The following KCNJ16 variants were observed in gnomAD, a reference collection of about 807,000 sequenced individuals.
KCNJ16 encodes potassium inwardly rectifying channel subfamily J member 16.
Under a neutral mutation model 18.5 loss-of-function variants are expected in KCNJ16, and 15 were observed. The observed-to-expected ratio is 0.81, with a 90% CI of 0.54 to 1.25. The LOEUF (loss-of-function observed/expected upper bound fraction) is 1.25, where lower values mean the gene tolerates loss of function less well. KCNJ16 is among the 50% of genes most tolerant of loss of function. The pLI is 0.00. For missense variants in KCNJ16, 523 were observed against 525.7 expected (o/e 0.99, Z 0.05); for synonymous variants, 174 against 186.5 (o/e 0.93, Z 0.55).
chr17:70,087,540 A>G (rs1411438579), intron 1 of KCNJ16, among the ~76,000 whole-genome samples: 3 of 151,998 alleles, frequency 2.0e-5, no homozygotes, highest in African/African-American at 7.2e-5. Flanking sequence ...GTTCTCTACT[A>G]AAAATACAAA....
At chr17:70,092,293 T>A (rs1230628275) in intron 1 of KCNJ16, among the ~76,000 whole-genome samples, 1 of 152,174 alleles carries the variant, frequency 6.6e-6, no homozygotes, top group East Asian at 1.9e-4. Context: ...GTAGATACCA[T>A]GTGAAGTCAA....
intron 2 of KCNJ16, among the ~76,000 whole-genome samples, chr17:70,114,637 T>C (rs563209319): frequency 1.2e-4 from 18 of 152,186 alleles, no homozygotes; most frequent in Non-Finnish European, 2.1e-4. Context: ...ATGACTTCTA[T>C]TCTTAGCAAT....
At chr17:70,092,489 A>AATAGATAG (rs56383039) in intron 1 of KCNJ16, among the ~76,000 whole-genome samples, 1,623 of 89,904 alleles carry the variant, frequency 0.018, 32 homozygotes, top group African/African-American at 0.061. Flanking sequence ...AAACAGAACC[A>AATAGATAG]ATAGATAGAT....
chr17:70,116,313 T>C (rs2073402831), intron 2 of KCNJ16, among the ~76,000 whole-genome samples: 1 of 152,154 alleles, frequency 6.6e-6, no homozygotes, highest in Non-Finnish European at 1.5e-5. Context: ...ATTGTACCAT[T>C]ACCTATGAAA....
In KCNJ16 at chr17:70,133,013, G is replaced by A. The variant is rs2074117208; in HGVS notation, c.926G>A (p.Arg309Lys). Residue 309 changes from arginine (R) to lysine (K), a missense_variant, in exon 4 of 4, where the codon AGG (arginine) becomes AAG (lysine). Transcript: ENST00000392671. ...YVPREILWGH[R>K]FNDVLEVKRK... Reference sequence around the variant, plus strand: ...CCCCGAGAAATTCTCTGGGGCCATAGGTTTAATGATGTCTTGGAAGTTAAG... The same window carrying A: ...CCCCGAGAAATTCTCTGGGGCCATAAGTTTAATGATGTCTTGGAAGTTAAG... 1.9e-6 allele frequency: 3 copies of A among 1,613,982 alleles called. No individual in the cohort carries two copies. In the Admixed American group the frequency reaches 5.0e-5, roughly 27 times the overall value.
intron 2 of KCNJ16, among the ~76,000 whole-genome samples, chr17:70,123,566 C>T (rs1453411564): frequency 6.6e-6 from 1 of 152,030 alleles, no homozygotes; most frequent in Non-Finnish European, 1.5e-5. Flanking sequence ...AGAGAGCTTC[C>T]CAGGTGCTAG....
Position 70,081,698 on chromosome 17 carries a change from G to C in KCNJ16, c.-300+6308G>C, listed in dbSNP as rs147838296. 1.9e-4 allele frequency among the ~76,000 whole-genome samples: 29 copies of C among 152,258 alleles called. No homozygotes were observed. The East Asian group carries it at 5.2e-3, about 27-fold the overall frequency. On this transcript the variant is annotated intron_variant, in intron 1 of 3. Transcript: ENST00000392671. ...AATTTGGTTGTGCTCTGTTAGGGCA[G>C]CTTGTGCAACAGAAGCACAGGGGTA...
chr17:70,092,867 A>C (rs1219049411), intron 1 of KCNJ16, among the ~76,000 whole-genome samples: 1 of 152,110 alleles, frequency 6.6e-6, no homozygotes, highest in Non-Finnish European at 1.5e-5. Context: ...TTCCTCCACC[A>C]TTTTGTTCCA....
chr17:70,122,892 G>T (rs2073703005), intron 2 of KCNJ16, among the ~76,000 whole-genome samples: 1 of 152,172 alleles, frequency 6.6e-6, no homozygotes, highest in Non-Finnish European at 1.5e-5. Flanking sequence ...CATGAAGGGT[G>T]AGAAAGCACT....
chr17:70,131,501 C>T (rs2074057079), intron 3 of KCNJ16: 2 of 993,616 alleles, frequency 2.0e-6, no homozygotes, highest in African/African-American at 1.7e-5. Context: ...ACCTATTACA[C>T]TAACAATTAT....
intron 2 of KCNJ16, among the ~76,000 whole-genome samples, chr17:70,103,192 A>G (rs2072726012): frequency 6.9e-6 from 1 of 144,904 alleles, no homozygotes; most frequent in Non-Finnish European, 1.5e-5. Flanking sequence ...ATATAAATAT[A>G]TATGTGTATA....
intron 1 of KCNJ16, among the ~76,000 whole-genome samples, chr17:70,078,236 C>T (rs2071399573): frequency 6.6e-6 from 1 of 152,164 alleles, no homozygotes; most frequent in African/African-American, 2.4e-5. Context: ...CATGGCTCCA[C>T]ATTCTCCCCC....
intron 2 of KCNJ16, among the ~76,000 whole-genome samples, chr17:70,113,875 C>CT (rs2073293526): frequency 1.3e-5 from 2 of 152,078 alleles, no homozygotes; most frequent in South Asian, 4.1e-4. Flanking sequence ...ATCAAATACA[C>CT]TAACTCCTGT....
chr17:70,124,525 C>T (rs1256652583), intron 2 of KCNJ16, among the ~76,000 whole-genome samples: 2 of 152,100 alleles, frequency 1.3e-5, no homozygotes, highest in Non-Finnish European at 2.9e-5. Flanking sequence ...TTTCCTTATA[C>T]AATGAAAGGA....
chr17:70,085,298 C>T (rs1598089508), intron 1 of KCNJ16, among the ~76,000 whole-genome samples: 1 of 152,298 alleles, frequency 6.6e-6, no homozygotes, highest in African/African-American at 2.4e-5. Context: ...CTGTGCCATG[C>T]ACCATTCTAA....
intron 2 of KCNJ16, among the ~76,000 whole-genome samples, chr17:70,121,549 G>T (rs758587925): frequency 6.6e-6 from 1 of 152,158 alleles, no homozygotes; most frequent in African/African-American, 2.4e-5. Flanking sequence ...GTATCAATCT[G>T]CTTACCATAC....
chr17:70,087,969 A>G (rs1320084401), intron 1 of KCNJ16, among the ~76,000 whole-genome samples: 1 of 135,104 alleles, frequency 7.4e-6, no homozygotes. Context: ...TGAAGCCGAG[A>G]TAGCGCCACG....
intron 2 of KCNJ16, among the ~76,000 whole-genome samples, chr17:70,107,358 TCACC>T (rs1464068535): frequency 6.6e-6 from 1 of 152,124 alleles, no homozygotes; most frequent in Non-Finnish European, 1.5e-5. Context: ...TGAGCTTGGG[TCACC>T]TTCAAGATGC....
intron 1 of KCNJ16, among the ~76,000 whole-genome samples, chr17:70,092,521 G>GATAGATAC (rs1168020384): frequency 3.0e-5 from 3 of 98,890 alleles, no homozygotes; most frequent in African/African-American, 1.3e-4. Flanking sequence ...TAGATAGATA[G>GATAGATAC]ATACATAGAC....
Sources: allele counts gnomAD v4.1 joint callset (sites outside exome capture counted in the v4.1 genomes callset), GRCh38; gene constraint gnomAD v4.1.1; transcripts MANE v1.5; gene names NCBI Gene and HGNC (gene_info 2026-07-23, HGNC 2026-07-21).